Variants in RNF19A observed in about 807,000 individuals in gnomAD.
RNF19A encodes the protein ring finger protein 19A, RBR E3 ubiquitin protein ligase.
RNF19A carries 32 observed loss-of-function variants against 75.7 expected under a neutral mutation model. The ratio of observed to expected loss-of-function variants is 0.42; its 90% CI spans 0.32 to 0.57. RNF19A has a LOEUF of 0.57. Among genes scored for constraint, RNF19A ranks in the 20% least tolerant of loss-of-function variants. The pLI is 0.10. For synonymous variants in RNF19A, 335 were observed against 345.2 expected, an observed-to-expected ratio of 0.97 and a Z score of 0.33; for missense variants, 782 against 1,036.3, an observed-to-expected ratio of 0.75 and a Z score of 3.37.
At position 100,264,455 on chromosome 8, in the gene RNF19A, G is replaced by C. The variant is rs1191863259; in HGVS notation, c.1306+216C>G. The C allele has an allele frequency of 2.4e-5, 14 of 585,966 alleles. No individual in the cohort carries two copies. In the East Asian group the frequency reaches 2.5e-4, roughly 11 times the overall value. 36.3% of individuals were successfully genotyped at this position (585,966 alleles called of 1,614,324 possible). A position where few individuals can be genotyped will look rare whatever the true frequency, so the allele number is the denominator to read the frequency against. On this transcript the variant is annotated intron_variant, in intron 6 of 9. Transcript: ENST00000341084. This position sits in a 1 kb window ranked among gnomAD's most constrained non-coding sequence, Gnocchi z 4.7. ...TTTTGAAGTGCCAGGCCTCCGAACT[G>C]TACTTGGGGTGGAGTGGGGAGGAAG...
intron 1 of RNF19A, chr8:100,309,173 G>A (rs1822186265): frequency 3.1e-6 from 1 of 326,986 alleles, no homozygotes; most frequent in African/African-American, 2.2e-5. Context: ...ACACCCTAAA[G>A]GCTTAGCACG....
In RNF19A at chr8:100,333,795, G is replaced by A. The variant is rs1284185384; in HGVS notation, c.-243+2313C>T. Among the ~76,000 whole-genome samples, 1 of 152,164 alleles carries A rather than the reference G, an allele frequency of 6.6e-6. No homozygotes were observed. Among genetic ancestry groups the A allele is most frequent in the African/African-American group, 2.4e-5 (1 of 41,434 alleles). ...ATTATGCCACTGCACTCCAGCCTGG[G>A]CAATAGAGTGACACCCTGTCTGTAA... On this transcript the variant is annotated intron_variant, in intron 1 of 3. Coordinates refer to the RNF19A transcript ENST00000519527. This position sits in a 1 kb window ranked among gnomAD's most constrained non-coding sequence, Gnocchi z 4.7.
intron 1 of RNF19A, among the ~76,000 whole-genome samples, chr8:100,308,430 C>A (rs1822147300): frequency 6.6e-6 from 1 of 152,072 alleles, no homozygotes. Context: ...ATACGATCAT[C>A]GCCATTTTCT....
intron 1 of RNF19A, among the ~76,000 whole-genome samples, chr8:100,299,081 C>A (rs527390555): frequency 1.3e-5 from 2 of 152,144 alleles, no homozygotes; most frequent in African/African-American, 4.8e-5. Flanking sequence ...ACACATTTTG[C>A]TTACTGTGTC....
At chr8:100,314,051 T>C (rs571752178), upstream of RNF19A, among the ~76,000 whole-genome samples, 1 of 151,986 alleles carries the variant, frequency 6.6e-6, no homozygotes, top group Middle Eastern at 3.4e-3. This position sits in a 1 kb window ranked among gnomAD's most constrained non-coding sequence, Gnocchi z 4.1. Flanking sequence ...CTGGCTAATT[T>C]TTGTATTTTT....
chr8:100,264,652 C>A lies in RNF19A; in HGVS notation c.1306+19G>T. 6.7e-7 allele frequency: 1 copy of A among 1,499,532 alleles called. No homozygotes were observed. Among genetic ancestry groups the A allele is most frequent in the South Asian group, 1.2e-5 (1 of 85,530 alleles). The allele number at this position is 1,499,532 out of a possible 1,614,324, so 92.9% of individuals were successfully genotyped here. The stretch of plus-strand genomic sequence containing the variant: ...TCCATAAAATTGTAGGTAATTAGTA[C>A]TTTTCAGCATTTTCTTACCTACAGT... On this transcript the variant is annotated intron_variant, in intron 6 of 9. Transcript: ENST00000341084. This position sits in a 1 kb window ranked among gnomAD's most constrained non-coding sequence, Gnocchi z 4.7.
chr8:100,304,297 G>A (rs914083055), intron 1 of RNF19A, among the ~76,000 whole-genome samples: 4 of 152,110 alleles, frequency 2.6e-5, no homozygotes, highest in Non-Finnish European at 4.4e-5. Flanking sequence ...TGGCTATAAG[G>A]AGAAATCTAT....
chr8:100,286,871 G>A (rs1445425618), intron 2 of RNF19A, among the ~76,000 whole-genome samples: 1 of 152,054 alleles, frequency 6.6e-6, no homozygotes, highest in African/African-American at 2.4e-5. Context: ...ATAAACAGGA[G>A]CTGCTCACCA....
chr8:100,271,687 T>TA (rs1465934645), intron 3 of RNF19A, among the ~76,000 whole-genome samples: 1 of 152,214 alleles, frequency 6.6e-6, no homozygotes, highest in Non-Finnish European at 1.5e-5. Context: ...GATAGGTCTC[T>TA]ATATACTTGT....
At position 100,275,886 on chromosome 8, in the gene RNF19A, G is replaced by T. The variant is rs1421148266; in HGVS notation, c.675-725C>A. 6.6e-6 allele frequency among the ~76,000 whole-genome samples: 1 copy of T among 152,104 alleles called. No individual in the cohort carries two copies. Among genetic ancestry groups the T allele is most frequent in the Non-Finnish European group, 1.5e-5 (1 of 68,008 alleles). On this transcript the variant is annotated intron_variant, in intron 2 of 9. Coordinates refer to ENST00000341084, the MANE Select transcript of RNF19A (RefSeq NM_183419.4). This position sits in a 1 kb window ranked among gnomAD's most constrained non-coding sequence, Gnocchi z 4.3. ...TATAAATTTTGTGATAATTTTGTATGTATGCAGAAGTCACACATTTTTCTT... is the reference window on the plus strand; with the variant it reads ...TATAAATTTTGTGATAATTTTGTATTTATGCAGAAGTCACACATTTTTCTT...
upstream of RNF19A, among the ~76,000 whole-genome samples, chr8:100,312,189 ATC>A (rs1174382124): frequency 1.3e-5 from 2 of 152,134 alleles, no homozygotes; most frequent in Non-Finnish European, 1.5e-5. Flanking sequence ...TCTGTTCTAT[ATC>A]TCCCTCTGCT....
chr8:100,260,731 T>C lies in RNF19A; in HGVS notation c.1683-734A>G, dbSNP rs1819672183. ...AAGGCTAATAAGCCTAAGTGAAAAA[T>C]AGTGAATTAAAGAGAAACAGGGGAA... On this transcript the variant is annotated intron_variant, in intron 8 of 9. Transcript: ENST00000341084. The surrounding 1 kb of genome is among the most constrained non-coding windows in gnomAD (Gnocchi z 4.1). 6.6e-6 allele frequency among the ~76,000 whole-genome samples: 1 copy of C among 152,084 alleles called. No individual in the cohort carries two copies. Among genetic ancestry groups the C allele is most frequent in the African/African-American group, 2.4e-5 (1 of 41,404 alleles).
intron 3 of RNF19A, among the ~76,000 whole-genome samples, chr8:100,271,577 G>C (rs977438975): frequency 6.6e-6 from 1 of 152,108 alleles, no homozygotes; most frequent in Non-Finnish European, 1.5e-5. Context: ...AAACTGAAAG[G>C]TAACATCCCC....
upstream of RNF19A, among the ~76,000 whole-genome samples, chr8:100,314,180 C>T (rs1367626753): frequency 6.6e-6 from 1 of 151,846 alleles, no homozygotes; most frequent in Non-Finnish European, 1.5e-5. This position sits in a 1 kb window ranked among gnomAD's most constrained non-coding sequence, Gnocchi z 4.1. Flanking sequence ...CGTGCCCAGC[C>T]GAGAACTACT....
chr8:100,281,749 C>G (rs1820791265), intron 2 of RNF19A, among the ~76,000 whole-genome samples: 2 of 152,114 alleles, frequency 1.3e-5, no homozygotes, highest in African/African-American at 4.8e-5. Context: ...AAATAACTTT[C>G]TTTGTTCTTT....
In RNF19A at chr8:100,264,164, G is replaced by A. The variant is rs752748785; in HGVS notation, c.1338C>T (p.Val446=). ...GIGVPIMLAY[V]YGVVPISLCR... ...AAAGAGAAATTGGAACTACGCCATA[G>A]ACATAAGCTAACATAATAGGAACAC... Residue 446 remains valine (V), a synonymous_variant, in exon 7 of 10, where the codon GTC becomes GTT. Transcript: ENST00000341084. The surrounding 1 kb of genome is among the most constrained non-coding windows in gnomAD (Gnocchi z 4.7). 1.2e-5 allele frequency: 19 copies of A among 1,613,150 alleles called. No homozygotes were observed. The South Asian group carries it at 1.8e-4, about 15-fold the overall frequency.
Position 100,331,743 on chromosome 8 carries a change from C to T in RNF19A, c.-243+4365G>A, listed in dbSNP as rs867630837. 6.6e-6 allele frequency among the ~76,000 whole-genome samples: 1 copy of T among 152,170 alleles called. No individual in the cohort carries two copies. The highest frequency in any genetic ancestry group is 1.5e-5 in the Non-Finnish European group (1 of 68,038). ...TTCTTTAATTTCCACCTCTTCAGTG[C>T]CTCTCCTGCAGACAACTATTATCCG... On this transcript the variant is annotated intron_variant, in intron 1 of 3. Coordinates refer to the RNF19A transcript ENST00000519527. This position sits in a 1 kb window ranked among gnomAD's most constrained non-coding sequence, Gnocchi z 5.2.
intron 3 of RNF19A, among the ~76,000 whole-genome samples, chr8:100,274,081 G>A (rs182812376): frequency 2.4e-3 from 361 of 152,226 alleles, no homozygotes; most frequent in Non-Finnish European, 2.9e-3. Flanking sequence ...CACCGTGACT[G>A]GCCAGTATCT....
Position 100,258,633 on chromosome 8 carries a change from C to T in RNF19A, c.2440G>A (p.Asp814Asn), listed in dbSNP as rs375014597. ...TTGTTATTTGTTTCTTTTAGTGCATCGCCAAAATATAAATCAACATTAGGT... is the reference window on the plus strand; with the variant it reads ...TTGTTATTTGTTTCTTTTAGTGCATTGCCAAAATATAAATCAACATTAGGT... ...IKPNVDLYFG[D>N]ALKETNNNHS... The change falls in exon 10 of 10, where the codon GAT (aspartate) becomes AAT (asparagine). Residue 814 changes from aspartate (D) to asparagine (N), a missense_variant. By Grantham distance (23) the Asp-to-Asn change is conservative. This residue lies in a region of RNF19A where 442 missense variants were observed against 541.6 expected (regional missense o/e 0.82). Coordinates refer to ENST00000341084, the MANE Select transcript of RNF19A (RefSeq NM_183419.4). The surrounding 1 kb of genome is among the most constrained non-coding windows in gnomAD (Gnocchi z 4.3). 160 of 1,613,866 alleles carry T rather than the reference C, an allele frequency of 9.9e-5. No homozygotes were observed. Among genetic ancestry groups the T allele is most frequent in the Non-Finnish European group, 6.7e-5 (79 of 1,179,984 alleles).
Sources: allele counts gnomAD v4.1 joint callset (sites outside exome capture counted in the v4.1 genomes callset), GRCh38; gene constraint gnomAD v4.1.1; regional missense constraint gnomAD v4.1.1; non-coding constraint Gnocchi (gnomAD v3.1); transcripts MANE v1.5; gene names NCBI Gene and HGNC (gene_info 2026-07-23, HGNC 2026-07-21).